The following HIVEP3 variants were observed in gnomAD, a reference collection of about 807,000 sequenced individuals.
The protein encoded by HIVEP3 is HIVEP zinc finger 3, also known as transcription factor HIVEP3.
A neutral mutation model predicts 152.8 loss-of-function variants in HIVEP3; 49 were observed. The ratio of observed to expected loss-of-function variants is 0.32; its 90% confidence interval spans 0.26 to 0.41. HIVEP3 has a LOEUF of 0.41. HIVEP3 is among the 10% of genes least tolerant of loss of function. The probability of loss-of-function intolerance (pLI) is 1.00; values close to 1 mark genes in which losing one functional copy is unlikely to be tolerated. For synonymous variants in HIVEP3, 1,269 were observed against 1,289.0 expected (o/e 0.98, Z 0.33); for missense variants, 2,790 against 3,103.3 (o/e 0.90, Z 2.40).
At chr1:42,032,853 C>G (rs1227304627) in intron 1 of HIVEP3, among the ~76,000 whole-genome samples, 2 of 152,172 alleles carry the variant, frequency 1.3e-5, no homozygotes, top group African/African-American at 4.8e-5. Context: ...TTTGGCCTTT[C>G]TCCTCTAATA....
At chr1:41,847,424 C>T (rs988671218) in intron 1 of HIVEP3, 4 of 152,194 alleles carry the variant, frequency 2.6e-5, no homozygotes, top group African/African-American at 4.8e-5. Flanking sequence ...TGACACTACA[C>T]TTACATTAAA....
intron 1 of HIVEP3, among the ~76,000 whole-genome samples, chr1:41,857,523 C>T (rs1643801520): frequency 6.6e-6 from 1 of 152,050 alleles, no homozygotes; most frequent in Non-Finnish European, 1.5e-5. Context: ...AAATCATGTT[C>T]CTGATGATGT....
chr1:41,674,958 A>G (rs979748724), intron 2 of HIVEP3, among the ~76,000 whole-genome samples: 2 of 151,878 alleles, frequency 1.3e-5, no homozygotes, highest in Non-Finnish European at 2.9e-5. Context: ...TCTGCACCCC[A>G]TTTTCACAGC....
chr1:41,966,475 C>CTATTTTTTTTTTT (rs1645198162), intron 1 of HIVEP3, among the ~76,000 whole-genome samples: 2 of 95,810 alleles, frequency 2.1e-5, no homozygotes, highest in Admixed American at 1.3e-4. Context: ...GTGCTGTATT[C>CTATTTTTTTTTTT]TTTTTTTTTT....
At position 41,533,020 on chromosome 1, in the gene HIVEP3, AG is replaced by A. The variant is rs1250726372; in HGVS notation, c.5208-8111del. 1.3e-5 allele frequency among the ~76,000 whole-genome samples: 2 copies of A among 152,070 alleles called. No homozygotes were observed. The highest frequency in any genetic ancestry group is 2.9e-5 in the Non-Finnish European group (2 of 68,000). ...AGAACTGTGGCTTAGCCAAGAGGAG[AG>A]GGTTTAGAGGAGGAGGGGCCCATGG... On this transcript the variant is annotated intron_variant, in intron 5 of 8. Transcript: ENST00000372583. This position sits in a 1 kb window ranked among gnomAD's most constrained non-coding sequence, Gnocchi z 4.3.
At chr1:41,567,359 C>T (rs1362433447) in intron 5 of HIVEP3, among the ~76,000 whole-genome samples, 2 of 152,216 alleles carry the variant, frequency 1.3e-5, no homozygotes, top group Non-Finnish European at 2.9e-5. Flanking sequence ...AACCACTACT[C>T]CTTCCCAAAG....
intron 1 of HIVEP3, among the ~76,000 whole-genome samples, chr1:41,962,453 C>T (rs751521964): frequency 8.5e-5 from 13 of 152,318 alleles, no homozygotes; most frequent in Non-Finnish European, 1.5e-4. Context: ...CCAAATTACT[C>T]GACAATTCAT....
rs1491251708 is a variant in HIVEP3 at position 41,506,602 on chromosome 1, T to TG, written c.*3848_*3849insC. The TG allele has an allele frequency of 2.9e-5, 1 of 34,232 alleles. No homozygotes were observed. Among genetic ancestry groups the TG allele is most frequent in the Non-Finnish European group, 1.3e-4 (1 of 7,958 alleles). The allele number at this position is 34,232 out of a possible 1,614,324, so 2.1% of individuals were successfully genotyped here. A position where few individuals can be genotyped will look rare whatever the true frequency, so the allele number is the denominator to read the frequency against. On this transcript the variant is annotated 3_prime_UTR_variant, in exon 9 of 9. Transcript: ENST00000372583. ...CTGCGTGGATTTTTGTTTTTTTTTT[T>TG]TGTTTGTTTCTGTTTTGTTTTTTCT...
chr1:41,972,235 C>CAAAA (rs1645234030), intron 1 of HIVEP3, among the ~76,000 whole-genome samples: 1 of 152,138 alleles, frequency 6.6e-6, no homozygotes, highest in African/African-American at 2.4e-5. Context: ...GACGTCTTTC[C>CAAAA]ACCTCCCCTC....
At chr1:41,529,301 C>A (rs1264124494) in intron 5 of HIVEP3, among the ~76,000 whole-genome samples, 7 of 144,604 alleles carry the variant, frequency 4.8e-5, no homozygotes, top group Admixed American at 2.0e-4. Flanking sequence ...ACACCCTCAC[C>A]ATCACACATG....
intron 1 of HIVEP3, among the ~76,000 whole-genome samples, chr1:42,034,267 AT>A (rs942842802): frequency 3.9e-5 from 6 of 152,336 alleles, no homozygotes; most frequent in Admixed American, 6.5e-5. Context: ...ACTGCACCAA[AT>A]AATAAATTTT....
At chr1:42,028,805 T>C (rs1645596352) in intron 1 of HIVEP3, among the ~76,000 whole-genome samples, 1 of 152,170 alleles carries the variant, frequency 6.6e-6, no homozygotes, top group Non-Finnish European at 1.5e-5. Context: ...CTAACTCAAA[T>C]GCCTTCAGAA....
chr1:41,523,415 A>G (rs1642817152), intron 6 of HIVEP3, among the ~76,000 whole-genome samples: 1 of 152,034 alleles, frequency 6.6e-6, no homozygotes, highest in Non-Finnish European at 1.5e-5. Flanking sequence ...CTCTGTTTAA[A>G]CCAAAACCTT....
chr1:41,913,386 A>C (rs1161165890), intron 1 of HIVEP3, among the ~76,000 whole-genome samples: 3 of 152,150 alleles, frequency 2.0e-5, no homozygotes, highest in Non-Finnish European at 4.4e-5. Context: ...ATTCATGTTT[A>C]TCAGGGCATC....
chr1:41,673,545 A>G (rs1211970515), intron 2 of HIVEP3, among the ~76,000 whole-genome samples: 2 of 152,198 alleles, frequency 1.3e-5, no homozygotes, highest in African/African-American at 2.4e-5. Context: ...TTTCCTGGTT[A>G]CACACCCAGA....
In HIVEP3 at chr1:41,584,490, G is replaced by A. The variant is rs758515548; in HGVS notation, c.308C>T (p.Ala103Val). 1.2e-6 allele frequency: 2 copies of A among 1,614,204 alleles called. No homozygotes were observed. Among genetic ancestry groups the A allele is most frequent in the African/African-American group, 2.7e-5 (2 of 75,050 alleles). Residue 103 changes from alanine to valine, a missense_variant, in exon 4 of 9, where the codon GCA becomes GTA. By Grantham distance (64) the Ala-to-Val change is moderately conservative (BLOSUM62 0). This residue lies in a region of HIVEP3 where 209 missense variants were observed against 237.0 expected (regional missense o/e 0.88). Coordinates refer to ENST00000372583, the MANE Select transcript of HIVEP3 (RefSeq NM_024503.5). This position sits in a 1 kb window ranked among gnomAD's most constrained non-coding sequence, Gnocchi z 5.2. The part of the protein sequence containing the change: ...SQLPQHPLTP[A>V]FMSPGKPEHL... ...CTCAGGTTTGCCAGGCGACATGAAT[G>A]CTGGTGTCAGAGGGTGCTGCGGAAG...
rs115533123 is a variant in HIVEP3 at position 41,940,786 on chromosome 1, C to T, written n.120-22262G>A. 4.4e-3 allele frequency among the ~76,000 whole-genome samples: 666 copies of T among 150,578 alleles called. 8 individuals carry two copies. Among genetic ancestry groups the T allele is most frequent in the African/African-American group, 0.016 (639 of 40,842 alleles). ...TGAGAAGGTGGGGGAAGTGAGAGGG[C>T]ACAAGTATAACAGGAGAGCATGAAG... On this transcript the variant is annotated intron_variant and non_coding_transcript_variant, in intron 1 of 3. Transcript: ENST00000489103.
In HIVEP3 at chr1:41,958,464, C is replaced by A. The variant is rs561771472; in HGVS notation, n.120-39940G>T. On this transcript the variant is annotated intron_variant and non_coding_transcript_variant, in intron 1 of 3. Coordinates refer to the HIVEP3 transcript ENST00000489103. ...AATCTTGAACTAAGTACAGTCAGAT[C>A]CAGCAAGTCATAAGGTCAAGAAGGC... is the stretch of plus-strand genomic sequence containing the variant. Among the ~76,000 whole-genome samples, 6 of 152,310 alleles carry A rather than the reference C, an allele frequency of 3.9e-5. No homozygotes were observed. In the East Asian group the frequency reaches 1.2e-3, roughly 29 times the overall value.
In HIVEP3 at chr1:41,824,816, GAGAA is replaced by G. The variant is rs879624903; in HGVS notation, c.-801+93593_-801+93596del. Among the ~76,000 whole-genome samples, 73 of 10,744 alleles carry G rather than the reference GAGAA, an allele frequency of 6.8e-3. 4 individuals are homozygous for G. The highest frequency in any genetic ancestry group is 0.015 in the African/African-American group (56 of 3,674). 7.0% of individuals were successfully genotyped at this position (10,744 alleles called of 152,430 possible). Reference sequence around the variant, plus strand: ...AGAGAGAGAGAGAGAGAGAGAGAGAGAGAAAGAGAGAGAGAGAGAGAGAGAGTTT... The same window carrying G: ...AGAGAGAGAGAGAGAGAGAGAGAGAGAGAGAGAGAGAGAGAGAGAGAGTTT... On this transcript the variant is annotated intron_variant, in intron 1 of 8. Coordinates refer to ENST00000372583, the MANE Select transcript of HIVEP3 (RefSeq NM_024503.5).
Sources: allele counts gnomAD v4.1 joint callset (sites outside exome capture counted in the v4.1 genomes callset), GRCh38; gene constraint gnomAD v4.1.1; regional missense constraint gnomAD v4.1.1; non-coding constraint Gnocchi (gnomAD v3.1); transcripts MANE v1.5; gene names NCBI Gene and HGNC (gene_info 2026-07-23, HGNC 2026-07-21).